Variants in RNF214 observed in about 807,000 individuals in gnomAD.
RNF214 encodes ring finger protein 214.
A neutral mutation model predicts 75.9 loss-of-function variants in RNF214; 25 were observed. The ratio of observed to expected loss-of-function variants is 0.33; its 90% CI spans 0.24 to 0.46. The LOEUF (loss-of-function observed/expected upper bound fraction) is 0.46. Ranked by LOEUF, RNF214 falls within the 20% of genes least tolerant of loss-of-function variation. RNF214 has a pLI of 1.00. For missense variants in RNF214, 725 were observed against 857.5 expected (o/e 0.85, Z 1.93); for synonymous variants, 314 against 308.8 (o/e 1.02, Z -0.18).
chr11:117,265,994 T>C (rs1401719459), intron 6 of RNF214, among the ~76,000 whole-genome samples: 1 of 152,252 alleles, frequency 6.6e-6, no homozygotes, highest in Non-Finnish European at 1.5e-5. Context: ...TGGCTTCTTT[T>C]ACTCAGTATA....
At chr11:117,255,009 A>G (rs2033485471) in intron 6 of RNF214, among the ~76,000 whole-genome samples, 1 of 152,144 alleles carries the variant, frequency 6.6e-6, no homozygotes. Flanking sequence ...GAATACATTT[A>G]TGACTTACAA....
At position 117,252,726 on chromosome 11, in the gene RNF214, T is replaced by C. The variant is rs556406334; in HGVS notation, c.959+5778T>C. On this transcript the variant is annotated intron_variant, in intron 6 of 14. Coordinates refer to ENST00000300650, the MANE Select transcript of RNF214 (RefSeq NM_207343.4). ...TAGTAGAGACGGGGTTTCACTGTGTTAGCCAGGATGGTCTCGCTCTCCTGA... is the reference window on the plus strand; with the variant it reads ...TAGTAGAGACGGGGTTTCACTGTGTCAGCCAGGATGGTCTCGCTCTCCTGA... 3.5e-3 allele frequency among the ~76,000 whole-genome samples: 536 copies of C among 151,948 alleles called. 10 individuals carry two copies. The highest frequency in any genetic ancestry group is 3.4e-3 in the Middle Eastern group (1 of 294).
intron 6 of RNF214, among the ~76,000 whole-genome samples, chr11:117,265,627 C>G (rs1053371645): frequency 2.1e-4 from 32 of 152,244 alleles, no homozygotes; most frequent in African/African-American, 7.5e-4. Flanking sequence ...GTTGGCCAGG[C>G]TGGTCTCAAA....
intron 4 of RNF214, among the ~76,000 whole-genome samples, chr11:117,240,998 G>A (rs1211651568): frequency 1.3e-5 from 2 of 151,728 alleles, no homozygotes; most frequent in Non-Finnish European, 2.9e-5. Flanking sequence ...GGGCAACATG[G>A]CGAAACCCCA....
Position 117,274,480 on chromosome 11 carries a change from A to G in RNF214, c.960-5428A>G, listed in dbSNP as rs936593693. On this transcript the variant is annotated intron_variant, in intron 6 of 14. Transcript: ENST00000300650. ...TGGGTTCAAGAAGTTCTCCTGCCTC[A>G]GCCTCCTGAGTAGCTGGGATTACAG... 3.5e-5 allele frequency among the ~76,000 whole-genome samples: 5 copies of G among 143,888 alleles called. No individual in the cohort carries two copies. In the Admixed American group the frequency reaches 3.8e-4, roughly 11 times the overall value. 94.4% of individuals were successfully genotyped at this position (143,888 alleles called of 152,430 possible).
In RNF214 at chr11:117,234,283, C is replaced by T; in HGVS notation, c.11C>T (p.Ser4Phe). 6.2e-7 allele frequency: 1 copy of T among 1,613,930 alleles called. No homozygotes were observed. The highest frequency in any genetic ancestry group is 8.5e-7 in the Non-Finnish European group (1 of 1,179,758). MAA[S>F]EVAGVVANAP... ...AATGTACAGAGCATAATGGCAGCGT[C>T]TGAGGTTGCTGGTGTTGTGGCCAAT... The change falls in exon 2 of 15, where the codon TCT becomes TTT. Residue 4 changes from serine (S) to phenylalanine (F), a missense_variant. Around this residue, in one of 2 missense-constraint regions of RNF214, gnomAD observed 362 missense variants for 344.5 expected, o/e 1.05. Transcript: ENST00000300650.
chr11:117,281,330 C>T lies in RNF214; in HGVS notation c.1162C>T (p.Leu388=), dbSNP rs1319773236. The change falls in exon 9 of 15, where the codon CTG becomes TTG. Residue 388 remains leucine, a synonymous_variant. Coordinates refer to ENST00000300650, the MANE Select transcript of RNF214 (RefSeq NM_207343.4). ...LTYLKSTPPT[L]ETVRSKQEWE... ...TCTTGAAAGGTCAACTCCCCCAACACTGGAGACAGTTCGTTCCAAACAGGA... is the reference window on the plus strand; with the variant it reads ...TCTTGAAAGGTCAACTCCCCCAACATTGGAGACAGTTCGTTCCAAACAGGA... 1.2e-6 allele frequency: 2 copies of T among 1,613,106 alleles called. No individual in the cohort carries two copies. The highest frequency in any genetic ancestry group is 1.7e-5 in the Admixed American group (1 of 59,982).
intron 6 of RNF214, among the ~76,000 whole-genome samples, chr11:117,264,566 G>A (rs967740774): frequency 4.6e-5 from 7 of 152,034 alleles, no homozygotes; most frequent in Non-Finnish European, 5.9e-5. Flanking sequence ...GGGGTGGAGT[G>A]CCCTGAGCCC....
intron 6 of RNF214, among the ~76,000 whole-genome samples, chr11:117,270,326 C>T (rs1235461356): frequency 4.0e-4 from 58 of 144,166 alleles, no homozygotes; most frequent in Admixed American, 3.9e-3. Flanking sequence ...AGCACGATCA[C>T]GGCTGACTGC....
At chr11:117,272,395 A>G in intron 6 of RNF214, among the ~76,000 whole-genome samples, 1 of 152,118 alleles carries the variant, frequency 6.6e-6, no homozygotes, top group East Asian at 1.9e-4. Flanking sequence ...GTGAGAACAC[A>G]TGGCCACAGA....
intron 6 of RNF214, among the ~76,000 whole-genome samples, chr11:117,264,267 G>A (rs2033746517): frequency 6.6e-6 from 1 of 152,132 alleles, no homozygotes; most frequent in Admixed American, 6.5e-5. Context: ...AGCTTGCAGT[G>A]AGCCGAGATC....
At chr11:117,255,494 T>C (rs1470604068) in intron 6 of RNF214, among the ~76,000 whole-genome samples, 1 of 152,076 alleles carries the variant, frequency 6.6e-6, no homozygotes, top group Non-Finnish European at 1.5e-5. Flanking sequence ...CAATATTCAA[T>C]ATAATTTCTT....
chr11:117,239,733 G>A, intron 3 of RNF214, 68 bp from the exon 4 acceptor site: 3 of 829,550 alleles, frequency 3.6e-6, no homozygotes, highest in Non-Finnish European at 4.2e-6. Flanking sequence ...GGAATTCTAG[G>A]TGTTAGTGAT....
chr11:117,276,581 C>T (rs886147258), intron 6 of RNF214, among the ~76,000 whole-genome samples: 3 of 152,116 alleles, frequency 2.0e-5, no homozygotes, highest in African/African-American at 7.2e-5. Flanking sequence ...CTGGACAATA[C>T]AGTGAAACCC....
At chr11:117,239,751 C>G in intron 3 of RNF214, 50 bp from the exon 4 acceptor site, 1 of 1,030,500 alleles carries the variant, frequency 9.7e-7, no homozygotes, top group Non-Finnish European at 1.5e-6. Context: ...GATTCTGCCT[C>G]TTTTAAAGTG....
intron 2 of RNF214, among the ~76,000 whole-genome samples, chr11:117,237,913 C>T (rs537952816): frequency 1.6e-4 from 25 of 152,164 alleles, no homozygotes; most frequent in African/African-American, 5.8e-4. Context: ...AAAATTATTC[C>T]TGTGAAAGGT....
chr11:117,268,689 T>C (rs1017630036), intron 6 of RNF214, among the ~76,000 whole-genome samples: 2 of 152,232 alleles, frequency 1.3e-5, no homozygotes, highest in Non-Finnish European at 2.9e-5. Flanking sequence ...TATTTTCATA[T>C]ACATTTTGAA....
At chr11:117,279,783 A>G (rs1350922455) in intron 6 of RNF214, 125 bp from the exon 7 acceptor site, 2 of 610,336 alleles carry the variant, frequency 3.3e-6, no homozygotes, top group Non-Finnish European at 5.8e-6. Flanking sequence ...AGTATAGTTA[A>G]TACTTAGAGT....
intron 6 of RNF214, among the ~76,000 whole-genome samples, chr11:117,267,728 G>GA (rs112541722): frequency 2.2e-4 from 32 of 143,648 alleles, no homozygotes; most frequent in Non-Finnish European, 4.2e-4. Context: ...GATCATGTCT[G>GA]AAAAAAAAAA....
Sources: gnomAD v4.1 joint callset for allele counts (sites outside exome capture counted in the v4.1 genomes callset) on GRCh38, gnomAD v4.1.1 for gene constraint, gnomAD v4.1.1 regional missense constraint, MANE v1.5 for transcripts, NCBI Gene and HGNC (gene_info 2026-07-23, HGNC 2026-07-21) for gene names.